The following MALRD1 variants were observed in gnomAD, a reference collection of about 807,000 sequenced individuals.
MALRD1 encodes the protein MAM and LDL receptor class A domain containing 1.
MALRD1 carries 247 observed loss-of-function variants against 242.1 expected under a neutral mutation model. That is an observed-to-expected ratio of 1.02 (90% CI 0.92 to 1.13). The LOEUF (loss-of-function observed/expected upper bound fraction) is 1.13. Ranked by LOEUF, MALRD1 falls within the 50% of genes most tolerant of loss-of-function variation. The pLI, the probability that MALRD1 is intolerant of heterozygous loss-of-function variation, is 0.00. For missense variants in MALRD1, 2,989 were observed against 2,533.1 expected, an observed-to-expected ratio of 1.18 and a Z score of -3.86; for synonymous variants, 995 against 866.6, an observed-to-expected ratio of 1.15 and a Z score of -2.60.
At chr10:19,238,675 C>A (rs1011646434) in intron 18 of MALRD1, among the ~76,000 whole-genome samples, 2 of 132,822 alleles carry the variant, frequency 1.5e-5, no homozygotes, top group Non-Finnish European at 3.3e-5. Flanking sequence ...CATAAGAGTG[C>A]AGATATTTTT....
At chr10:19,148,444 T>C (rs1298752751) in intron 11 of MALRD1, among the ~76,000 whole-genome samples, 1 of 152,114 alleles carries the variant, frequency 6.6e-6, no homozygotes, top group African/African-American at 2.4e-5. Flanking sequence ...TGAAGGTTTT[T>C]CCATGTAGTA....
At chr10:19,179,076 C>T (rs980323324) in intron 14 of MALRD1, among the ~76,000 whole-genome samples, 2 of 152,106 alleles carry the variant, frequency 1.3e-5, no homozygotes, top group Non-Finnish European at 2.9e-5. Flanking sequence ...GAAATATATG[C>T]AGGATAGCGC....
Position 19,373,203 on chromosome 10 carries a change from C to CAAAAAAAAAAAAAAAAAAAAAAAAAA in MALRD1, c.4442-14308_4442-14307insAAAAAAAAAAAAAAAAAAAAAAAAAA, listed in dbSNP as rs374095193. 9.0e-4 allele frequency among the ~76,000 whole-genome samples: 103 copies of CAAAAAAAAAAAAAAAAAAAAAAAAAA among 114,834 alleles called. 4 individuals are homozygous for CAAAAAAAAAAAAAAAAAAAAAAAAAA. The highest frequency in any genetic ancestry group is 2.7e-3 in the African/African-American group (79 of 29,212). 75.3% of individuals were successfully genotyped at this position (114,834 alleles called of 152,430 possible). On this transcript the variant is annotated intron_variant, in intron 26 of 39. Transcript: ENST00000454679. Reference sequence around the variant, plus strand: ...CTTGCATTTCAGCAAACGCTAAATACAAAAAAAAAAAAAAAAATAAGGGGC... The same window carrying CAAAAAAAAAAAAAAAAAAAAAAAAAA: ...CTTGCATTTCAGCAAACGCTAAATACAAAAAAAAAAAAAAAAAAAAAAAAAAAAAAAAAAAAAAAAAAATAAGGGGC...
chr10:19,486,763 G>A (rs1537346), intron 29 of MALRD1, among the ~76,000 whole-genome samples: 122,932 of 152,104 alleles, frequency 0.81, 50,058 homozygotes, highest in East Asian at 1. Context: ...GATTATATCT[G>A]GTTCAGTGTA....
chr10:19,602,745 G>A (rs1364668369), intron 34 of MALRD1, among the ~76,000 whole-genome samples: 1 of 152,102 alleles, frequency 6.6e-6, no homozygotes, highest in East Asian at 1.9e-4. Context: ...GGTATTTCTT[G>A]TTCTAGATCC....
At chr10:19,667,686 A>G (rs1841733542) in intron 36 of MALRD1, among the ~76,000 whole-genome samples, 1 of 151,870 alleles carries the variant, frequency 6.6e-6, no homozygotes. Flanking sequence ...TTCTGCTATG[A>G]TTGAAAGCTC....
At chr10:19,303,099 G>C (rs1457683011) in intron 21 of MALRD1, among the ~76,000 whole-genome samples, 1 of 151,514 alleles carries the variant, frequency 6.6e-6, no homozygotes, top group Non-Finnish European at 1.5e-5. Context: ...TGGATGAAAA[G>C]TTATACATAC....
intron 33 of MALRD1, among the ~76,000 whole-genome samples, chr10:19,592,484 T>C (rs933997260): frequency 2.6e-5 from 4 of 152,150 alleles, no homozygotes; most frequent in South Asian, 2.1e-4. Flanking sequence ...CCATGAGCTG[T>C]CATCTGGCAA....
chr10:19,602,823 G>A (rs991069265), intron 34 of MALRD1, among the ~76,000 whole-genome samples: 2 of 152,128 alleles, frequency 1.3e-5, no homozygotes, highest in African/African-American at 4.8e-5. Flanking sequence ...CAGTGTAAAA[G>A]TGTTCCTATT....
At chr10:19,706,940 T>C (rs1564557293) in intron 38 of MALRD1, among the ~76,000 whole-genome samples, 1 of 152,122 alleles carries the variant, frequency 6.6e-6, no homozygotes, top group Non-Finnish European at 1.5e-5. Context: ...TCTGTCAGCA[T>C]ACCTTTACAC....
chr10:19,064,060 G>A (rs1020562550), intron 1 of MALRD1, among the ~76,000 whole-genome samples: 1 of 152,046 alleles, frequency 6.6e-6, no homozygotes, highest in South Asian at 2.1e-4. Context: ...ATCTGACAAC[G>A]TGGAACCCAA....
At chr10:19,119,087 A>G (rs1240745680) in intron 5 of MALRD1, among the ~76,000 whole-genome samples, 21 of 152,080 alleles carry the variant, frequency 1.4e-4, no homozygotes, top group Non-Finnish European at 2.5e-4. Context: ...TGGATTCTGG[A>G]TGTGTTTTAT....
At chr10:19,239,546 A>G (rs1230713805) in intron 18 of MALRD1, among the ~76,000 whole-genome samples, 1 of 152,078 alleles carries the variant, frequency 6.6e-6, no homozygotes, top group Non-Finnish European at 1.5e-5. Context: ...TGTGCTTTTG[A>G]CGTCTCATTT....
intron 36 of MALRD1, among the ~76,000 whole-genome samples, chr10:19,680,969 C>T (rs1410202645): frequency 6.6e-6 from 1 of 152,156 alleles, no homozygotes; most frequent in Non-Finnish European, 1.5e-5. Context: ...TAAATATTGG[C>T]CTCCCGATAT....
chr10:19,137,741 T>C (rs2131416521), intron 10 of MALRD1, among the ~76,000 whole-genome samples: 1 of 152,162 alleles, frequency 6.6e-6, no homozygotes, highest in Middle Eastern at 3.4e-3. Context: ...AGAGATCCCA[T>C]TACTATTCAA....
intron 31 of MALRD1, among the ~76,000 whole-genome samples, chr10:19,528,121 T>C (rs1463920547): frequency 6.6e-6 from 1 of 152,218 alleles, no homozygotes; most frequent in Non-Finnish European, 1.5e-5. Context: ...CATTAAGTAC[T>C]GTGTTCAATT....
chr10:19,297,517 ACTTTT>A (rs1841762398), intron 21 of MALRD1, among the ~76,000 whole-genome samples: 2 of 151,798 alleles, frequency 1.3e-5, no homozygotes, highest in Admixed American at 6.6e-5. Flanking sequence ...TATTTTTAAG[ACTTTT>A]CTTTATATAT....
At chr10:19,324,995 T>C (rs947399663) in intron 22 of MALRD1, among the ~76,000 whole-genome samples, 17 of 146,494 alleles carry the variant, frequency 1.2e-4, no homozygotes, top group Non-Finnish European at 2.4e-4. Flanking sequence ...AATTTTTGCC[T>C]TCAGTAGTTG....
chr10:19,071,558 T>C (rs1046163038), intron 2 of MALRD1, among the ~76,000 whole-genome samples: 1 of 152,126 alleles, frequency 6.6e-6, no homozygotes, highest in African/African-American at 2.4e-5. Context: ...CAAAGTCCTC[T>C]TGTGGTACCA....
Sources: gnomAD v4.1 joint callset for allele counts (sites outside exome capture counted in the v4.1 genomes callset) on GRCh38, gnomAD v4.1.1 for gene constraint, MANE v1.5 for transcripts, NCBI Gene and HGNC (gene_info 2026-07-23, HGNC 2026-07-21) for gene names.